PIEZO2: variants seen among roughly 807,000 people sequenced by gnomAD.
The protein encoded by PIEZO2 is piezo type mechanosensitive ion channel component 2.
Under a neutral mutation model 337.3 loss-of-function variants are expected in PIEZO2, and 172 were observed. That is an observed-to-expected ratio of 0.51 (90% CI 0.45 to 0.58). PIEZO2 has a LOEUF of 0.58. Among genes scored for constraint, PIEZO2 ranks in the 20% least tolerant of loss-of-function variants. The pLI is 0.00. For missense variants in PIEZO2, 3,028 were observed against 3,391.3 expected (o/e 0.89, Z 2.66); for synonymous variants, 1,251 against 1,228.5 (o/e 1.02, Z -0.38).
chr18:10,929,625 G>A lies in PIEZO2; in HGVS notation c.287-18397C>T, dbSNP rs775091208. On this transcript the variant is annotated intron_variant, in intron 3 of 55. Coordinates refer to ENST00000674853, the MANE Select transcript of PIEZO2 (RefSeq NM_001378183.1). This position sits in a 1 kb window ranked among gnomAD's most constrained non-coding sequence, Gnocchi z 5.6. ...AGGAAAATGCCTCTACCAACCTCTC[G>A]GGTCTCAGGACAGATCCCGCTATCC... Among the ~76,000 whole-genome samples, 1 of 152,052 alleles carries A rather than the reference G, an allele frequency of 6.6e-6. No homozygotes were observed. Among genetic ancestry groups the A allele is most frequent in the African/African-American group, 2.4e-5 (1 of 41,408 alleles).
intron 27 of PIEZO2, among the ~76,000 whole-genome samples, chr18:10,754,437 C>G (rs1398342252): frequency 2.0e-5 from 3 of 152,176 alleles, no homozygotes; most frequent in Admixed American, 1.3e-4. Context: ...TTTGACAGGT[C>G]AATTCCTGAG....
intron 44 of PIEZO2, 87 bp downstream of exon 44, chr18:10,698,838 A>C: frequency 6.8e-7 from 1 of 1,463,704 alleles, no homozygotes; most frequent in Non-Finnish European, 9.1e-7. Context: ...CACCCAATAC[A>C]CTCCCTTGCC....
At chr18:11,140,227 G>A (rs1465101404) in intron 1 of PIEZO2, among the ~76,000 whole-genome samples, 1 of 152,136 alleles carries the variant, frequency 6.6e-6, no homozygotes, top group South Asian at 2.1e-4. Flanking sequence ...TCCCAAGGTG[G>A]ATGAGCAGAT....
rs2144693225 is a variant in PIEZO2, at chr18:10,855,431, G to A, written c.839C>T (p.Ala280Val). 1 of 1,537,158 alleles carries A rather than the reference G, an allele frequency of 6.5e-7. No individual in the cohort carries two copies. Among genetic ancestry groups the A allele is most frequent in the Non-Finnish European group, 8.7e-7 (1 of 1,146,868 alleles). The change falls in exon 7 of 56, where the codon GCT (alanine) becomes GTT (valine). Residue 280 changes from alanine to valine, a missense_variant. This residue lies in a region of PIEZO2 where 542 missense variants were observed against 605.6 expected (regional missense o/e 0.89). Coordinates refer to ENST00000674853, the MANE Select transcript of PIEZO2 (RefSeq NM_001378183.1). This position sits in a 1 kb window ranked among gnomAD's most constrained non-coding sequence, Gnocchi z 4.9. ...TAAATAAAGTCCAATCAAATGTCCA[G>A]CAGTGAAAATAGCCAGCAGAACACA... ...CLCVLLAIFTAGHLIGLYLYQ... is the reference protein window; with the variant it reads ...CLCVLLAIFTVGHLIGLYLYQ...
rs569766224 is a variant in PIEZO2, at chr18:10,773,739, G to T, written c.2568-110C>A. On this transcript the variant is annotated intron_variant, in intron 19 of 55. Transcript: ENST00000674853. The surrounding 1 kb of genome is among the most constrained non-coding windows in gnomAD (Gnocchi z 5.3). ...CAAATGAAATCAGTGCATGTACAAA[G>T]ACCTCACAAGGTGGGGTGTTAGCGT... 8.7e-6 allele frequency: 9 copies of T among 1,029,582 alleles called. No homozygotes were observed. The East Asian group carries it at 1.3e-4, about 15-fold the overall frequency. The allele number at this position is 1,029,582 out of a possible 1,614,324, so 63.8% of individuals were successfully genotyped here.
At position 11,001,905 on chromosome 18, in the gene PIEZO2, A is replaced by AGAAGGAAGGAAGGAAG. The variant is rs56275136; in HGVS notation, c.161-22261_161-22246dup. ...AAAAGGAGAAAAAGGGAAGGAAGGAAGAAGGAAGGAAGGAAGGAAGGAAGG... is the reference window on the plus strand; with the variant it reads ...AAAAGGAGAAAAAGGGAAGGAAGGAAGAAGGAAGGAAGGAAGGAAGGAAGGAAGGAAGGAAGGAAGG... On this transcript the variant is annotated intron_variant, in intron 2 of 55. Coordinates refer to ENST00000674853, the MANE Select transcript of PIEZO2 (RefSeq NM_001378183.1). The surrounding 1 kb of genome is among the most constrained non-coding windows in gnomAD (Gnocchi z 5.3). Among the ~76,000 whole-genome samples, 5,024 of 139,206 alleles carry AGAAGGAAGGAAGGAAG rather than the reference A, an allele frequency of 0.036. 188 individuals are homozygous for AGAAGGAAGGAAGGAAG. The highest frequency in any genetic ancestry group is 0.078 in the African/African-American group (2,800 of 35,946). 91.3% of individuals were successfully genotyped at this position (139,206 alleles called of 152,430 possible).
chr18:10,810,509 C>T (rs1266331474), intron 7 of PIEZO2, among the ~76,000 whole-genome samples: 5 of 152,184 alleles, frequency 3.3e-5, no homozygotes, highest in Non-Finnish European at 5.9e-5. Context: ...CCACCCTCCT[C>T]ATCCTACTCC....
At chr18:10,753,430 T>G (rs1014528185) in intron 27 of PIEZO2, among the ~76,000 whole-genome samples, 18 of 152,170 alleles carry the variant, frequency 1.2e-4, no homozygotes, top group African/African-American at 4.1e-4. Flanking sequence ...CAGGATTCCC[T>G]TTTGGGGGCC....
chr18:10,870,244 G>A lies in PIEZO2; in HGVS notation c.492+1009C>T, dbSNP rs2042107828. 6.6e-6 allele frequency among the ~76,000 whole-genome samples: 1 copy of A among 152,060 alleles called. No individual in the cohort carries two copies. The highest frequency in any genetic ancestry group is 1.5e-5 in the Non-Finnish European group (1 of 68,010). ...CCCTCCTTTATTGTTTTTTAAATAAGCATACAAGGAAATTGTCTGCTTTCT... is the reference window on the plus strand; with the variant it reads ...CCCTCCTTTATTGTTTTTTAAATAAACATACAAGGAAATTGTCTGCTTTCT... On this transcript the variant is annotated intron_variant, in intron 5 of 55. Coordinates refer to ENST00000674853, the MANE Select transcript of PIEZO2 (RefSeq NM_001378183.1). This position sits in a 1 kb window ranked among gnomAD's most constrained non-coding sequence, Gnocchi z 5.3.
At chr18:10,887,863 C>G (rs752816155) in intron 4 of PIEZO2, among the ~76,000 whole-genome samples, 1 of 152,164 alleles carries the variant, frequency 6.6e-6, no homozygotes, top group Non-Finnish European at 1.5e-5. Context: ...CTGTACTGCT[C>G]TCAGTTCAAC....
chr18:10,934,270 A>G (rs1387002065), intron 3 of PIEZO2, among the ~76,000 whole-genome samples: 1 of 152,194 alleles, frequency 6.6e-6, no homozygotes, highest in African/African-American at 2.4e-5. Context: ...TTCCCAGTAC[A>G]TGGGTGACGA....
At chr18:10,752,193 C>T (rs895985507) in intron 28 of PIEZO2, among the ~76,000 whole-genome samples, 1 of 152,178 alleles carries the variant, frequency 6.6e-6, no homozygotes, top group Non-Finnish European at 1.5e-5. Flanking sequence ...CATAGAGAAA[C>T]ATGCTCATTT....
chr18:11,107,815 C>CAAAG (rs1396443692), intron 1 of PIEZO2, among the ~76,000 whole-genome samples: 1 of 152,194 alleles, frequency 6.6e-6, no homozygotes, highest in African/African-American at 2.4e-5. Context: ...AAGCCTGCAG[C>CAAAG]AAAGGGAAAC....
At chr18:11,029,884 T>G (rs1433859435) in intron 2 of PIEZO2, among the ~76,000 whole-genome samples, 1 of 152,086 alleles carries the variant, frequency 6.6e-6, no homozygotes, top group Non-Finnish European at 1.5e-5. Flanking sequence ...ACCCAACCAG[T>G]AATTCCACCA....
chr18:10,989,902 A>C (rs760755084), intron 2 of PIEZO2, among the ~76,000 whole-genome samples: 2 of 152,168 alleles, frequency 1.3e-5, no homozygotes, highest in Non-Finnish European at 2.9e-5. Flanking sequence ...GCCATTACTT[A>C]AGTATGCCTA....
At position 11,069,206 on chromosome 18, in the gene PIEZO2, C is replaced by T. The variant is rs751074080; in HGVS notation, c.65-2984G>A. On this transcript the variant is annotated intron_variant, in intron 1 of 55. Transcript: ENST00000674853. The surrounding 1 kb of genome is among the most constrained non-coding windows in gnomAD (Gnocchi z 4.9). ...GGTCATCACTACCCTGATACCAAAA[C>T]CAGACAAGGATAATACAAGGAAAGA... Among the ~76,000 whole-genome samples the T allele has an allele frequency of 1.3e-5, 2 of 152,126 alleles. No homozygotes were observed. Among genetic ancestry groups the T allele is most frequent in the Non-Finnish European group, 1.5e-5 (1 of 68,008 alleles).
chr18:10,820,340 G>GTT (rs1289868076), intron 7 of PIEZO2, among the ~76,000 whole-genome samples: 4 of 144,684 alleles, frequency 2.8e-5, no homozygotes, highest in African/African-American at 1.0e-4. Flanking sequence ...TGGTTCAGTG[G>GTT]TTTTTTTTTT....
At chr18:10,778,651 T>C (rs929345747) in intron 18 of PIEZO2, among the ~76,000 whole-genome samples, 1 of 152,162 alleles carries the variant, frequency 6.6e-6, no homozygotes, top group Non-Finnish European at 1.5e-5. Context: ...TCTTAACATG[T>C]TTATATTCAC....
intron 1 of PIEZO2, among the ~76,000 whole-genome samples, chr18:11,121,523 A>G (rs1021363867): frequency 6.6e-6 from 1 of 152,122 alleles, no homozygotes; most frequent in Non-Finnish European, 1.5e-5. Flanking sequence ...TTATGATTGC[A>G]CCTCTGCACT....
Sources: allele counts gnomAD v4.1 joint callset (sites outside exome capture counted in the v4.1 genomes callset), GRCh38; gene constraint gnomAD v4.1.1; regional missense constraint gnomAD v4.1.1; non-coding constraint Gnocchi (gnomAD v3.1); transcripts MANE v1.5; gene names NCBI Gene and HGNC (gene_info 2026-07-23, HGNC 2026-07-21).